The following PTCHD4 variants were observed in gnomAD, a reference collection of about 807,000 sequenced individuals.
The protein encoded by PTCHD4 is patched domain-containing protein 4.
PTCHD4 carries 33 observed loss-of-function variants against 58.1 expected under a neutral mutation model. The ratio of observed to expected loss-of-function variants is 0.57; its 90% CI spans 0.43 to 0.76. PTCHD4 has a LOEUF of 0.76. Among genes scored for constraint, PTCHD4 ranks in the 30% least tolerant of loss-of-function variants. The pLI, the probability that PTCHD4 is intolerant of heterozygous loss-of-function variation, is 0.00. For missense variants in PTCHD4, 1,058 were observed against 1,027.1 expected (o/e 1.03, Z -0.41); for synonymous variants, 478 against 409.6 (o/e 1.17, Z -2.02).
chr6:48,076,142 A>T (rs893915886), intron 1 of PTCHD4, among the ~76,000 whole-genome samples: 1 of 152,246 alleles, frequency 6.6e-6, no homozygotes, highest in Non-Finnish European at 1.5e-5. Flanking sequence ...TGCCATCTCA[A>T]TAAACCACTT....
chr6:48,102,750 C>T (rs1765634100), intron 1 of PTCHD4, among the ~76,000 whole-genome samples: 1 of 152,232 alleles, frequency 6.6e-6, no homozygotes, highest in Admixed American at 6.5e-5. Flanking sequence ...GGGTCACTCC[C>T]ACCCTAATAC....
intron 4 of PTCHD4, among the ~76,000 whole-genome samples, chr6:47,886,575 C>G (rs1764200034): frequency 6.6e-6 from 1 of 152,130 alleles, no homozygotes; most frequent in Non-Finnish European, 1.5e-5. Flanking sequence ...GCTACACTTT[C>G]AATAATTGTG....
intron 1 of PTCHD4, among the ~76,000 whole-genome samples, chr6:48,102,394 T>C (rs1244191401): frequency 6.6e-6 from 1 of 152,222 alleles, no homozygotes; most frequent in Non-Finnish European, 1.5e-5. Flanking sequence ...TTTCTAGTGT[T>C]CTCGAGTTTC....
chr6:47,914,665 T>G (rs1311982225), intron 4 of PTCHD4, among the ~76,000 whole-genome samples: 1 of 149,704 alleles, frequency 6.7e-6, no homozygotes, highest in Non-Finnish European at 1.5e-5. Flanking sequence ...AAAAGATTTT[T>G]ATATAATAGA....
chr6:48,055,695 A>G (rs1055314654), intron 3 of PTCHD4, among the ~76,000 whole-genome samples: 2 of 152,230 alleles, frequency 1.3e-5, no homozygotes, highest in Admixed American at 6.5e-5. Context: ...TGCTCTATCT[A>G]TAAAAGGGGG....
At chr6:47,940,139 C>T (rs981017449) in intron 4 of PTCHD4, among the ~76,000 whole-genome samples, 1 of 152,026 alleles carries the variant, frequency 6.6e-6, no homozygotes, top group Non-Finnish European at 1.5e-5. Context: ...ATGGATTTAA[C>T]CACAGCCTTT....
chr6:47,889,573 T>G (rs1663303185), intron 4 of PTCHD4, among the ~76,000 whole-genome samples: 1 of 152,084 alleles, frequency 6.6e-6, no homozygotes. Context: ...ATCTGATCTT[T>G]GACAAACCTG....
intron 3 of PTCHD4, among the ~76,000 whole-genome samples, chr6:48,020,206 T>C (rs534841058): frequency 2.0e-5 from 3 of 152,230 alleles, no homozygotes; most frequent in Admixed American, 6.5e-5. Flanking sequence ...GGCATGATTT[T>C]TTTTCCTTCC....
chr6:48,047,607 G>A lies in PTCHD4; in HGVS notation c.417+20623C>T, dbSNP rs80316344. Among the ~76,000 whole-genome samples, 29 of 151,862 alleles carry A rather than the reference G, an allele frequency of 1.9e-4. No individual in the cohort carries two copies. In the East Asian group the frequency reaches 5.4e-3, roughly 29 times the overall value. On this transcript the variant is annotated intron_variant, in intron 3 of 4. Coordinates refer to ENST00000339488, the MANE Select transcript of PTCHD4 (RefSeq NM_001384253.1). The stretch of plus-strand genomic sequence containing the variant: ...TATCTCTCCCCAAAATTAGTATATT[G>A]AGATCCTAATCCCCAATGTGATGCT...
intron 3 of PTCHD4, among the ~76,000 whole-genome samples, chr6:48,063,659 G>C (rs986163566): frequency 6.6e-6 from 1 of 152,122 alleles, no homozygotes; most frequent in Non-Finnish European, 1.5e-5. Flanking sequence ...TTAAAAACTT[G>C]TAAAGATTAA....
chr6:47,966,204 C>T (rs1206155864), intron 4 of PTCHD4, among the ~76,000 whole-genome samples: 1 of 152,138 alleles, frequency 6.6e-6, no homozygotes, highest in Non-Finnish European at 1.5e-5. Flanking sequence ...AGGTTCAGTT[C>T]CAGACCACCA....
chr6:47,992,739 A>G (rs1200513203), intron 4 of PTCHD4, among the ~76,000 whole-genome samples: 1 of 152,196 alleles, frequency 6.6e-6, no homozygotes, highest in Non-Finnish European at 1.5e-5. Flanking sequence ...GTGGTTTGAT[A>G]CTTTCTTTTT....
intron 3 of PTCHD4, among the ~76,000 whole-genome samples, chr6:48,066,009 T>C (rs1355046051): frequency 6.6e-6 from 1 of 152,152 alleles, no homozygotes; most frequent in Non-Finnish European, 1.5e-5. Flanking sequence ...GCACCTGTTA[T>C]AGGCCTAGCA....
In PTCHD4 at chr6:47,919,987, G is replaced by A. The variant is rs532770859; in HGVS notation, c.899-40051C>T. ...TCCTCATGTGATTGTGCTGCACTTCGAGGACTTAGGTGATGGTGGTGTCAC... is the reference window on the plus strand; with the variant it reads ...TCCTCATGTGATTGTGCTGCACTTCAAGGACTTAGGTGATGGTGGTGTCAC... On this transcript the variant is annotated intron_variant, in intron 4 of 4. Coordinates refer to ENST00000339488, the MANE Select transcript of PTCHD4 (RefSeq NM_001384253.1). 2.0e-4 allele frequency among the ~76,000 whole-genome samples: 30 copies of A among 152,156 alleles called. No homozygotes were observed. In the South Asian group the frequency reaches 5.4e-3, roughly 27 times the overall value.
At chr6:47,949,958 C>T (rs185786869) in intron 4 of PTCHD4, among the ~76,000 whole-genome samples, 7 of 151,632 alleles carry the variant, frequency 4.6e-5, no homozygotes, top group Non-Finnish European at 8.8e-5. Context: ...TATACATGTG[C>T]CATGTTGGTG....
chr6:47,935,619 A>G (rs1765971376), intron 4 of PTCHD4, among the ~76,000 whole-genome samples: 1 of 152,154 alleles, frequency 6.6e-6, no homozygotes, highest in African/African-American at 2.4e-5. Flanking sequence ...TTATTGCTTT[A>G]AACACATTCA....
In PTCHD4 at chr6:47,867,267, A is replaced by G. The variant is rs1763591332; in HGVS notation, c.*11036T>C. Among the ~76,000 whole-genome samples the G allele has an allele frequency of 6.6e-6, 1 of 151,742 alleles. No homozygotes were observed. The highest frequency in any genetic ancestry group is 1.5e-5 in the Non-Finnish European group (1 of 67,824). On this transcript the variant is annotated 3_prime_UTR_variant, in exon 5 of 5. Coordinates refer to ENST00000339488, the MANE Select transcript of PTCHD4 (RefSeq NM_001384253.1). ...TGAGGGCTTTTGTGCCAGAACGTGG[A>G]CGGTGTTCCATCATCAGGAGAATCA...
intron 3 of PTCHD4, among the ~76,000 whole-genome samples, chr6:48,025,763 C>T (rs1255918963): frequency 6.6e-6 from 1 of 152,060 alleles, no homozygotes; most frequent in African/African-American, 2.4e-5. Flanking sequence ...GTTAAAAATA[C>T]CAATAATAAC....
At chr6:47,988,723 C>T (rs1768170651) in intron 4 of PTCHD4, among the ~76,000 whole-genome samples, 1 of 152,198 alleles carries the variant, frequency 6.6e-6, no homozygotes, top group Admixed American at 6.5e-5. Flanking sequence ...AAGTGCCTTT[C>T]ATCTCCCACC....
Sources: gnomAD v4.1 joint callset for allele counts (sites outside exome capture counted in the v4.1 genomes callset) on GRCh38, gnomAD v4.1.1 for gene constraint, MANE v1.5 for transcripts, NCBI Gene and HGNC (gene_info 2026-07-23, HGNC 2026-07-21) for gene names.